The following PEAK1 variants were observed in gnomAD, a reference collection of about 807,000 sequenced individuals.
PEAK1 encodes inactive tyrosine-protein kinase PEAK1.
A neutral mutation model predicts 124.7 loss-of-function variants in PEAK1; 54 were observed. The ratio of observed to expected loss-of-function variants is 0.43; its 90% confidence interval spans 0.35 to 0.54. The LOEUF (loss-of-function observed/expected upper bound fraction) is 0.54, where lower values mean the gene tolerates loss of function less well. Among genes scored for constraint, PEAK1 ranks in the 20% least tolerant of loss-of-function variants. PEAK1 has a pLI of 0.01. For synonymous variants in PEAK1, 719 were observed against 760.0 expected, an observed-to-expected ratio of 0.95 and a Z score of 0.89; for missense variants, 2,046 against 2,134.5, an observed-to-expected ratio of 0.96 and a Z score of 0.82.
At chr15:77,256,959 G>A (rs898630760) in intron 5 of PEAK1, among the ~76,000 whole-genome samples, 2 of 141,284 alleles carry the variant, frequency 1.4e-5, no homozygotes, top group Admixed American at 7.9e-5. Flanking sequence ...TCCCACCTAT[G>A]AGTGAGAACA....
intron 1 of PEAK1, among the ~76,000 whole-genome samples, chr15:77,366,716 C>T (rs1020943873): frequency 6.6e-6 from 1 of 152,090 alleles, no homozygotes; most frequent in Non-Finnish European, 1.5e-5. Context: ...CACCACCAAG[C>T]CCTGCTAATT....
intron 5 of PEAK1, among the ~76,000 whole-genome samples, chr15:77,255,114 AG>A (rs764042092): frequency 1.3e-5 from 2 of 152,188 alleles, no homozygotes; most frequent in Non-Finnish European, 2.9e-5. Context: ...TAAGATAGGA[AG>A]GAGTACCTAA....
intron 6 of PEAK1, among the ~76,000 whole-genome samples, chr15:77,244,881 C>G (rs1036898679): frequency 2.6e-5 from 4 of 152,098 alleles, no homozygotes; most frequent in African/African-American, 7.2e-5. Context: ...CTCAAAGGAC[C>G]TTTATAACAC....
chr15:77,206,348 G>A (rs1200719246), intron 6 of PEAK1, among the ~76,000 whole-genome samples: 1 of 149,186 alleles, frequency 6.7e-6, no homozygotes, highest in Admixed American at 6.7e-5. Context: ...ACCCAGTAAT[G>A]GGATGGCTGG....
intron 5 of PEAK1, among the ~76,000 whole-genome samples, chr15:77,258,126 T>C (rs2061259261): frequency 6.6e-6 from 1 of 152,224 alleles, no homozygotes; most frequent in Admixed American, 6.5e-5. Context: ...TTTTGGTTAC[T>C]GTAGCCTTGT....
chr15:77,133,630 G>A lies in PEAK1; in HGVS notation c.3452C>T (p.Thr1151Ile). 3 of 1,614,154 alleles carry A rather than the reference G, an allele frequency of 1.9e-6. No homozygotes were observed. Among genetic ancestry groups the A allele is most frequent in the Non-Finnish European group, 2.5e-6 (3 of 1,180,024 alleles). ...DQEAPNASQP[T>I]PPPLPKKMII... ...CATCTTCTTTGGCAGTGGGGGTGGT[G>A]TAGGTTGGGAAGCATTGGGTGCTTC... The change falls in exon 9 of 10, where the codon ACA becomes ATA. Residue 1151 changes from threonine to isoleucine, a missense_variant. Physicochemically the swap from Thr to Ile is moderately conservative, Grantham distance 89. Coordinates refer to ENST00000682557, the MANE Select transcript of PEAK1 (RefSeq NM_001385026.1). This position sits in a 1 kb window ranked among gnomAD's most constrained non-coding sequence, Gnocchi z 4.2.
chr15:77,313,688 G>A (rs1341921159), intron 2 of PEAK1, among the ~76,000 whole-genome samples: 2,134 of 120,214 alleles, frequency 0.018, 93 homozygotes, highest in African/African-American at 0.073. Context: ...GTGTGTGTGT[G>A]TGTGTATATA....
At chr15:77,216,007 T>C (rs1052849462) in intron 6 of PEAK1, among the ~76,000 whole-genome samples, 1 of 152,198 alleles carries the variant, frequency 6.6e-6, no homozygotes, top group African/African-American at 2.4e-5. Context: ...CTTCCAACTT[T>C]ATCAAAATTG....
At chr15:77,418,829 GA>G (rs953881359) in intron 1 of PEAK1, 70 of 978,772 alleles carry the variant, frequency 7.2e-5, no homozygotes, top group African/African-American at 5.5e-4. Context: ...TTTATCGGGG[GA>G]AAAAAAAAGA....
rs753558024 is a variant in PEAK1 at position 77,112,616 on chromosome 15, TCA to T, written c.*1538_*1539del. The T allele has an allele frequency of 1.3e-5, 2 of 148,760 alleles. No individual in the cohort carries two copies. The highest frequency in any genetic ancestry group is 3.0e-5 in the Non-Finnish European group (2 of 67,336). 9.2% of individuals were successfully genotyped at this position (148,760 alleles called of 1,614,324 possible). ...TTTCAAGGTCAAAGTAAACACATACTCACAGTTTTGAATAAAACAAGCACAGG... is the reference window on the plus strand; with the variant it reads ...TTTCAAGGTCAAAGTAAACACATACTCAGTTTTGAATAAAACAAGCACAGG... On this transcript the variant is annotated 3_prime_UTR_variant, in exon 10 of 10. Transcript: ENST00000682557.
intron 8 of PEAK1, among the ~76,000 whole-genome samples, chr15:77,142,830 G>T (rs1221258759): frequency 6.6e-6 from 1 of 152,186 alleles, no homozygotes; most frequent in East Asian, 1.9e-4. Flanking sequence ...GGGGCTGGGG[G>T]AAGGGGAGAA....
At chr15:77,119,542 T>A (rs2051720258) in intron 9 of PEAK1, among the ~76,000 whole-genome samples, 1 of 152,196 alleles carries the variant, frequency 6.6e-6, no homozygotes, top group Admixed American at 6.5e-5. Flanking sequence ...CTTTAACCAC[T>A]GATAAATCAT....
At chr15:77,117,804 C>T (rs993368351) in intron 9 of PEAK1, among the ~76,000 whole-genome samples, 3 of 152,076 alleles carry the variant, frequency 2.0e-5, no homozygotes, top group Non-Finnish European at 2.9e-5. Context: ...AAACTGTGAC[C>T]TTGTAGTTTA....
At chr15:77,190,378 T>C (rs953595835) in intron 6 of PEAK1, among the ~76,000 whole-genome samples, 3 of 152,238 alleles carry the variant, frequency 2.0e-5, no homozygotes, top group Non-Finnish European at 4.4e-5. Context: ...AATTATTTTC[T>C]TAATGGTTGT....
At chr15:77,200,152 C>T (rs1361811657) in intron 6 of PEAK1, among the ~76,000 whole-genome samples, 1 of 152,194 alleles carries the variant, frequency 6.6e-6, no homozygotes, top group Non-Finnish European at 1.5e-5. Context: ...CCTCGGACTA[C>T]TCAACGTGAA....
At chr15:77,313,652 A>ATGTATGTGTGTGTGTGTG (rs1469429790) in intron 2 of PEAK1, among the ~76,000 whole-genome samples, 1 of 90,602 alleles carries the variant, frequency 1.1e-5, no homozygotes, top group African/African-American at 4.4e-5. Flanking sequence ...GTATGTATGT[A>ATGTATGTGTGTGTGTGTG]TGTGTGTGTG....
At chr15:77,303,404 C>G (rs957857116) in intron 2 of PEAK1, among the ~76,000 whole-genome samples, 2 of 152,128 alleles carry the variant, frequency 1.3e-5, no homozygotes, top group Admixed American at 1.3e-4. Context: ...TGTTACTCCA[C>G]ATCCTCACCA....
At chr15:77,224,720 A>T (rs1411186067) in intron 6 of PEAK1, among the ~76,000 whole-genome samples, 2 of 152,040 alleles carry the variant, frequency 1.3e-5, no homozygotes, top group East Asian at 3.8e-4. Context: ...ATAATTTCTC[A>T]CAGCACTTAC....
chr15:77,370,760 G>A (rs1378782863), intron 1 of PEAK1: 13 of 983,604 alleles, frequency 1.3e-5, no homozygotes, highest in South Asian at 9.4e-5. Context: ...AGCCAGGCAC[G>A]GTGACTCATG....
Sources: allele counts gnomAD v4.1 joint callset (sites outside exome capture counted in the v4.1 genomes callset), GRCh38; gene constraint gnomAD v4.1.1; non-coding constraint Gnocchi (gnomAD v3.1); transcripts MANE v1.5; gene names NCBI Gene and HGNC (gene_info 2026-07-23, HGNC 2026-07-21).